Variants in MINPP1 observed in about 807,000 individuals in gnomAD.
MINPP1 encodes multiple inositol polyphosphate phosphatase 1.
Under a neutral mutation model 46.1 loss-of-function variants are expected in MINPP1, and 28 were observed. The ratio of observed to expected loss-of-function variants is 0.61; its 90% confidence interval spans 0.45 to 0.83. MINPP1 has a LOEUF of 0.83. MINPP1 is among the 40% of genes least tolerant of loss of function. MINPP1 has a pLI of 0.00. For missense variants in MINPP1, 603 were observed against 610.0 expected (o/e 0.99, Z 0.12); for synonymous variants, 268 against 249.1 (o/e 1.08, Z -0.72).
chr10:87,509,319 T>G (rs186110452), intron 2 of MINPP1, among the ~76,000 whole-genome samples: 18 of 152,274 alleles, frequency 1.2e-4, no homozygotes, highest in Admixed American at 5.2e-4. Context: ...AAAAATAGAT[T>G]AGAATTTATC....
chr10:87,548,279 A>G (rs1851915979), intron 4 of MINPP1, among the ~76,000 whole-genome samples: 1 of 152,106 alleles, frequency 6.6e-6, no homozygotes, highest in African/African-American at 2.4e-5. Flanking sequence ...AAGAGCCAGA[A>G]ATGTTTCATT....
chr10:87,535,324 G>A (rs570176297), intron 4 of MINPP1, among the ~76,000 whole-genome samples: 5 of 152,182 alleles, frequency 3.3e-5, no homozygotes, highest in Middle Eastern at 3.2e-3. Flanking sequence ...GTTCATGTAT[G>A]TCTGTGTACC....
intron 3 of MINPP1, 42 bp downstream of exon 3, chr10:87,513,263 T>C: frequency 2.1e-6 from 3 of 1,459,674 alleles, no homozygotes; most frequent in Non-Finnish European, 1.9e-6. Flanking sequence ...TTTAAAAAAA[T>C]TTTTTTTGGC....
At chr10:87,511,942 T>A (rs1409008208) in intron 2 of MINPP1, among the ~76,000 whole-genome samples, 1 of 151,972 alleles carries the variant, frequency 6.6e-6, no homozygotes, top group Non-Finnish European at 1.5e-5. Context: ...ATGAAATACA[T>A]TTTTTTTGTA....
At chr10:87,542,094 A>G (rs913371125) in intron 4 of MINPP1, among the ~76,000 whole-genome samples, 2 of 152,174 alleles carry the variant, frequency 1.3e-5, no homozygotes, top group Non-Finnish European at 2.9e-5. Context: ...TCTGAAGTCT[A>G]CAAAGTCTCA....
At chr10:87,520,065 T>TGTGTGTGTGTGTGTGTGTGA in intron 3 of MINPP1, among the ~76,000 whole-genome samples, 1 of 151,918 alleles carries the variant, frequency 6.6e-6, no homozygotes, top group East Asian at 1.9e-4. Flanking sequence ...ATAGTGTGTG[T>TGTGTGTGTGTGTGTGTGTGA]GTGTGTGTGT....
At chr10:87,508,710 G>A (rs1345215359) in intron 2 of MINPP1, among the ~76,000 whole-genome samples, 177 bp downstream of exon 2, 2 of 152,090 alleles carry the variant, frequency 1.3e-5, no homozygotes, top group Non-Finnish European at 2.9e-5. Context: ...ACCATTTTTA[G>A]ATTCATATTC....
At chr10:87,521,520 A>G (rs1851501311) in intron 4 of MINPP1, among the ~76,000 whole-genome samples, 2 of 152,048 alleles carry the variant, frequency 1.3e-5, no homozygotes, top group African/African-American at 4.8e-5. Context: ...TATATTATGA[A>G]TGTATTGGTG....
chr10:87,520,976 A>G, intron 3 of MINPP1, 60 bp from the exon 4 acceptor site: 5 of 722,254 alleles, frequency 6.9e-6, no homozygotes, highest in East Asian at 2.8e-5. Flanking sequence ...TCATTATTAA[A>G]TCAGGGAATC....
intron 4 of MINPP1, among the ~76,000 whole-genome samples, chr10:87,522,248 A>C (rs973002501): frequency 1.3e-5 from 2 of 152,148 alleles, no homozygotes; most frequent in Non-Finnish European, 2.9e-5. Context: ...TTTTTTTTAC[A>C]AGGCAACACC....
intron 4 of MINPP1, among the ~76,000 whole-genome samples, chr10:87,535,764 C>T (rs1589381689): frequency 6.6e-6 from 1 of 150,376 alleles, no homozygotes; most frequent in South Asian, 2.1e-4. Flanking sequence ...CCTACCTCTA[C>T]AAAAGAAAAA....
At chr10:87,509,237 A>G (rs1335870698) in intron 2 of MINPP1, among the ~76,000 whole-genome samples, 1 of 152,222 alleles carries the variant, frequency 6.6e-6, no homozygotes, top group African/African-American at 2.4e-5. Flanking sequence ...GTTGACAAAG[A>G]TACATGCAAA....
intron 4 of MINPP1, among the ~76,000 whole-genome samples, chr10:87,523,455 A>G (rs2131817627): frequency 6.7e-6 from 1 of 149,942 alleles, no homozygotes; most frequent in East Asian, 2.0e-4. Flanking sequence ...GGTTCACGCC[A>G]TTCTCCTGCC....
At chr10:87,518,753 C>T (rs1851451069) in intron 3 of MINPP1, among the ~76,000 whole-genome samples, 1 of 152,140 alleles carries the variant, frequency 6.6e-6, no homozygotes, top group Admixed American at 6.5e-5. Flanking sequence ...TAGCAGCTCA[C>T]AGAACTCAAG....
rs773959081 is a variant in MINPP1 at position 87,504,932 on chromosome 10, G to C, written c.17G>C (p.Gly6Ala). MLRAP[G>A]CLLRTSVAPA... The stretch of plus-strand genomic sequence containing the variant: ...GTCCCGACGATGCTACGCGCGCCCG[G>C]CTGCCTCCTCCGGACCTCCGTAGCG... Residue 6 changes from glycine to alanine, a missense_variant, in exon 1 of 5, where the codon GGC becomes GCC. Gly to Ala is a moderately conservative substitution (Grantham distance 60). Coordinates refer to ENST00000371996, the MANE Select transcript of MINPP1 (RefSeq NM_004897.5). 3.7e-6 allele frequency: 6 copies of C among 1,610,724 alleles called. No homozygotes were observed. The African/African-American group carries it at 6.7e-5, about 18-fold the overall frequency.
intron 4 of MINPP1, among the ~76,000 whole-genome samples, chr10:87,550,185 T>TA (rs1189647576): frequency 6.6e-6 from 1 of 152,190 alleles, no homozygotes; most frequent in African/African-American, 2.4e-5. Context: ...TTAAGAATCT[T>TA]AAACCTCTCA....
At chr10:87,526,024 A>G (rs978966485) in intron 4 of MINPP1, among the ~76,000 whole-genome samples, 6 of 152,218 alleles carry the variant, frequency 3.9e-5, no homozygotes, top group Non-Finnish European at 8.8e-5. Context: ...ATACATGTGC[A>G]TGTATCTTTA....
Position 87,505,489 on chromosome 10 carries a change from G to A in MINPP1, c.574G>A (p.Ala192Thr). 2 of 1,612,682 alleles carry A rather than the reference G, an allele frequency of 1.2e-6. No individual in the cohort carries two copies. The highest frequency in any genetic ancestry group is 1.7e-6 in the Non-Finnish European group (2 of 1,179,610). Residue 192 changes from alanine (A) to threonine (T), a missense_variant, in exon 1 of 5, where the codon GCC becomes ACC. By Grantham distance (58) the Ala-to-Thr change is moderately conservative (BLOSUM62 0). Coordinates refer to ENST00000371996, the MANE Select transcript of MINPP1 (RefSeq NM_004897.5). The surrounding 1 kb of genome is among the most constrained non-coding windows in gnomAD (Gnocchi z 4.4). ...SSKHRCMDSS[A>T]AFLQGLWQHY... ...CAAGCACCGCTGCATGGATAGCAGC[G>A]CCGCCTTCCTGCAGGGGCTGTGGCA... is the stretch of plus-strand genomic sequence containing the variant.
intron 4 of MINPP1, among the ~76,000 whole-genome samples, chr10:87,525,284 T>G (rs1851560433): frequency 6.6e-6 from 1 of 152,210 alleles, no homozygotes; most frequent in African/African-American, 2.4e-5. Context: ...GCAGTCACTC[T>G]CCATTCACCC....
Sources: allele counts gnomAD v4.1 joint callset (sites outside exome capture counted in the v4.1 genomes callset), GRCh38; gene constraint gnomAD v4.1.1; non-coding constraint Gnocchi (gnomAD v3.1); transcripts MANE v1.5; gene names NCBI Gene and HGNC (gene_info 2026-07-23, HGNC 2026-07-21).